Variants in AVEN observed in about 807,000 individuals in gnomAD.
AVEN encodes cell death regulator Aven.
AVEN carries 41 observed loss-of-function variants against 38.1 expected under a neutral mutation model. The ratio of observed to expected loss-of-function variants is 1.08; its 90% CI spans 0.84 to 1.40. The LOEUF (loss-of-function observed/expected upper bound fraction) is 1.40, where lower values mean the gene tolerates loss of function less well. Among genes scored for constraint, AVEN ranks in the 40% most tolerant of loss-of-function variants. AVEN has a pLI of 0.00. For missense variants in AVEN, 605 were observed against 438.8 expected, an observed-to-expected ratio of 1.38 and a Z score of -3.38; for synonymous variants, 206 against 171.8, an observed-to-expected ratio of 1.20 and a Z score of -1.56.
chr15:33,891,103 G>GA (rs879845790), intron 2 of AVEN, among the ~76,000 whole-genome samples: 2,077 of 144,218 alleles, frequency 0.014, 35 homozygotes, highest in African/African-American at 0.044. Flanking sequence ...ACTCTGTCTG[G>GA]AAAAAAAAAA....
chr15:33,880,117 A>C (rs1189327939), intron 2 of AVEN, among the ~76,000 whole-genome samples: 1 of 152,044 alleles, frequency 6.6e-6, no homozygotes, highest in East Asian at 1.9e-4. Flanking sequence ...ACAAACAAAC[A>C]AAAAATGGGT....
chr15:34,035,851 G>C (rs1269300592), intron 1 of AVEN, among the ~76,000 whole-genome samples: 3 of 152,118 alleles, frequency 2.0e-5, no homozygotes, highest in Non-Finnish European at 2.9e-5. Context: ...CTGGAGTGCA[G>C]TGGCAGGATC....
intron 2 of AVEN, among the ~76,000 whole-genome samples, chr15:33,980,740 T>C (rs1209856221): frequency 6.6e-6 from 1 of 152,184 alleles, no homozygotes; most frequent in African/African-American, 2.4e-5. Flanking sequence ...AAATTACTTC[T>C]TGCTCTAAGC....
intron 2 of AVEN, among the ~76,000 whole-genome samples, chr15:33,962,989 T>C (rs1244640369): frequency 1.4e-5 from 2 of 138,520 alleles, no homozygotes; most frequent in African/African-American, 6.2e-5. Context: ...ATTAAGCGGA[T>C]AATGACTAAA....
Position 33,880,891 on chromosome 15 carries a change from G to A in AVEN, c.446-4896C>T, listed in dbSNP as rs1306400448. Among the ~76,000 whole-genome samples, 3 of 152,192 alleles carry A rather than the reference G, an allele frequency of 2.0e-5. No individual in the cohort carries two copies. In the East Asian group the frequency reaches 5.8e-4, roughly 29 times the overall value. ...GAACATCATAAACAATGACATCCAT[G>A]AAGGCATCTTTGATGCACACAAAAT... On this transcript the variant is annotated intron_variant, in intron 2 of 5. Transcript: ENST00000306730.
At chr15:33,857,690 CT>C (rs1460122830), downstream of AVEN, 3 of 1,532,712 alleles carry the variant, frequency 2.0e-6, no homozygotes, top group Admixed American at 5.5e-5. Flanking sequence ...CGTCCTCACT[CT>C]TCCTCCTCGT....
At chr15:34,004,971 T>C (rs1251617606) in intron 1 of AVEN, among the ~76,000 whole-genome samples, 2 of 146,238 alleles carry the variant, frequency 1.4e-5, no homozygotes, top group Non-Finnish European at 3.1e-5. Context: ...AGTGTGGACT[T>C]AAAAAAAATA....
At chr15:33,948,520 ATAAATATC>A (rs1259128123) in intron 2 of AVEN, among the ~76,000 whole-genome samples, 2 of 152,246 alleles carry the variant, frequency 1.3e-5, no homozygotes, top group Admixed American at 6.5e-5. Flanking sequence ...GTATCTTTTA[ATAAATATC>A]TAAATATTTA....
At chr15:33,934,429 T>C (rs570924724) in intron 2 of AVEN, among the ~76,000 whole-genome samples, 139 of 152,322 alleles carry the variant, frequency 9.1e-4, no homozygotes, top group Middle Eastern at 3.4e-3. Flanking sequence ...GAAAAGAATT[T>C]GCAAGGGAGG....
chr15:33,993,424 G>C (rs2074397168), intron 2 of AVEN, among the ~76,000 whole-genome samples: 2 of 152,210 alleles, frequency 1.3e-5, no homozygotes, highest in South Asian at 2.1e-4. Context: ...ATAAAAATGA[G>C]AGTGTCACTG....
At chr15:33,920,104 G>A in intron 2 of AVEN, among the ~76,000 whole-genome samples, 1 of 152,066 alleles carries the variant, frequency 6.6e-6, no homozygotes, top group Non-Finnish European at 1.5e-5. Context: ...CCTAACCCTG[G>A]ATTAATGAGA....
intron 2 of AVEN, among the ~76,000 whole-genome samples, chr15:33,879,998 G>C (rs1407549318): frequency 2.6e-5 from 4 of 152,064 alleles, no homozygotes; most frequent in African/African-American, 9.7e-5. Flanking sequence ...ATGTAATAAT[G>C]GTTTTGTACT....
intron 1 of AVEN, among the ~76,000 whole-genome samples, chr15:34,024,621 G>A (rs974130374): frequency 9.2e-5 from 14 of 151,804 alleles, no homozygotes; most frequent in African/African-American, 3.4e-4. Context: ...GGGAGGCCGA[G>A]GCGGGCGGAT....
chr15:34,021,080 T>C (rs1567472095), intron 1 of AVEN, among the ~76,000 whole-genome samples: 1 of 152,222 alleles, frequency 6.6e-6, no homozygotes, highest in Non-Finnish European at 1.5e-5. Context: ...GCTCCTCTTT[T>C]GAATTTATTC....
chr15:33,995,612 C>CGT (rs1896900784), intron 2 of AVEN, among the ~76,000 whole-genome samples: 1 of 152,186 alleles, frequency 6.6e-6, no homozygotes, highest in Admixed American at 6.5e-5. Context: ...CCTAATTAAA[C>CGT]TAAAGAGTTT....
intron 1 of AVEN, among the ~76,000 whole-genome samples, chr15:34,038,453 C>T (rs1296929510): frequency 6.6e-6 from 1 of 152,254 alleles, no homozygotes; most frequent in African/African-American, 2.4e-5. Flanking sequence ...CCAGCCGGCC[C>T]ACGGGCCGCC....
At chr15:33,960,713 A>C (rs1402202223) in intron 2 of AVEN, among the ~76,000 whole-genome samples, 1 of 152,178 alleles carries the variant, frequency 6.6e-6, no homozygotes, top group Non-Finnish European at 1.5e-5. Flanking sequence ...CCTTCATGTG[A>C]GCCCCATTTT....
At chr15:33,974,291 C>T (rs1895775338) in intron 2 of AVEN, among the ~76,000 whole-genome samples, 1 of 152,182 alleles carries the variant, frequency 6.6e-6, no homozygotes, top group South Asian at 2.1e-4. Flanking sequence ...GAGAAAGTGA[C>T]ACACTTAAAA....
rs149958275 is a variant in AVEN at position 33,867,786 on chromosome 15, G to A, written c.682C>T (p.Gln228Ter). The A allele has an allele frequency of 1.0e-4, 163 of 1,613,978 alleles. No individual in the cohort carries two copies. The African/African-American group carries it at 1.9e-3, about 19-fold the overall frequency. The change falls in exon 5 of 6, where the codon CAG becomes TAG. Residue 228 changes from glutamine to a stop codon, truncating the protein, a stop_gained. Transcript: ENST00000306730. LOFTEE classifies it high-confidence loss of function. ...RTDDGKGLGM[Q>*]LKGPLGPGGR... ...CCAGGCCCCAAGGGCCCCTTTAACTGCATCCCTAATCCCTTGCCATCATCA... is the reference window on the plus strand; with the variant it reads ...CCAGGCCCCAAGGGCCCCTTTAACTACATCCCTAATCCCTTGCCATCATCA...
Sources: allele counts gnomAD v4.1 joint callset (sites outside exome capture counted in the v4.1 genomes callset), GRCh38; gene constraint gnomAD v4.1.1; transcripts MANE v1.5; gene names NCBI Gene and HGNC (gene_info 2026-07-23, HGNC 2026-07-21).